Variants in FAAH2 observed in about 807,000 individuals in gnomAD.
The protein encoded by FAAH2 is fatty acid amide hydrolase 2, also known as fatty-acid amide hydrolase 2.
FAAH2 carries 60 observed loss-of-function variants against 36.9 expected under a neutral mutation model. The observed-to-expected ratio is 1.63, with a 90% CI of 1.32 to 2.02. FAAH2 has a LOEUF of 2.02. Among genes scored for constraint, FAAH2 ranks in the 30% most tolerant of loss-of-function variants. The probability of loss-of-function intolerance (pLI) is 0.00; values close to 1 mark genes in which losing one functional copy is unlikely to be tolerated. For missense variants in FAAH2, 689 were observed against 397.5 expected (o/e 1.73, Z -6.23); for synonymous variants, 214 against 143.8 (o/e 1.49, Z -3.49).
At chrX:57,216,026 A>G in the FAAH2 span, among the ~76,000 whole-genome samples, 1 of 107,767 alleles carries the variant, frequency 9.3e-6, no homozygotes, top group African/African-American at 3.4e-5. Flanking sequence ...GTGTACGCGT[A>G]TGTGTGTGTG....
At position 57,288,338 on chromosome X, in the gene FAAH2, CTTTTTT is replaced by C. The variant is rs771871081; in HGVS notation, c.192+1345_192+1350del. On this transcript the variant is annotated intron_variant, in intron 1 of 10. Transcript: ENST00000374900. Reference sequence around the variant, plus strand: ...TAGCTCTGTGATCTTAAAAACATTTCTTTTTTTTTTTTTTTTTTTTTTTTTTTTTGA... The same window carrying C: ...TAGCTCTGTGATCTTAAAAACATTTCTTTTTTTTTTTTTTTTTTTTTTTGA... Among the ~76,000 whole-genome samples, 7 of 40,348 alleles carry C rather than the reference CTTTTTT, an allele frequency of 1.7e-4. No homozygotes were observed. In the East Asian group the frequency reaches 3.3e-3, roughly 19 times the overall value. 35.0% of individuals were successfully genotyped at this position (40,348 alleles called of 115,157 possible). A position where few individuals can be genotyped will look rare whatever the true frequency, so the allele number is the denominator to read the frequency against.
chrX:57,290,383 T>C, intron 1 of FAAH2: 1 of 503,713 alleles, frequency 2.0e-6, no homozygotes, highest in South Asian at 1.0e-4. Context: ...GTGGCTGAAA[T>C]CTCTGTCTGT....
At chrX:57,392,789 C>A in intron 7 of FAAH2, 1 of 629,304 alleles carries the variant, frequency 1.6e-6, no homozygotes, top group Non-Finnish European at 2.7e-6. Context: ...TGCGAATGGG[C>A]AGAATGAATC....
the FAAH2 span, among the ~76,000 whole-genome samples, chrX:57,232,614 A>C: frequency 8.9e-6 from 1 of 112,315 alleles, no homozygotes; most frequent in Non-Finnish European, 1.9e-5. Context: ...TAGGCTCTCT[A>C]GTCTCTCTCG....
chrX:57,439,137 A>G (rs2056485817), intron 8 of FAAH2, among the ~76,000 whole-genome samples: 1 of 110,356 alleles, frequency 9.1e-6, no homozygotes. Flanking sequence ...TGGCTGGGTC[A>G]AATGGTATTT....
At chrX:57,273,277 C>T in the FAAH2 span, among the ~76,000 whole-genome samples, 1 of 111,028 alleles carries the variant, frequency 9.0e-6, no homozygotes, top group African/African-American at 3.3e-5. Context: ...TTTTTAGAGA[C>T]CTAGAAAGAC....
the FAAH2 span, among the ~76,000 whole-genome samples, chrX:57,208,220 A>G: frequency 1.8e-5 from 2 of 112,310 alleles, no homozygotes; most frequent in Non-Finnish European, 3.8e-5. Context: ...CAAAATAAGG[A>G]GGGGATGCAG....
chrX:57,440,759 A>T (rs1319718906), intron 8 of FAAH2, among the ~76,000 whole-genome samples: 1 of 111,455 alleles, frequency 9.0e-6, no homozygotes, highest in Non-Finnish European at 1.9e-5. Flanking sequence ...AGTTCTTATT[A>T]TTTTGAGACA....
At chrX:57,350,431 A>C (rs1487411310) in intron 5 of FAAH2, among the ~76,000 whole-genome samples, 4 of 110,403 alleles carry the variant, frequency 3.6e-5, no homozygotes, top group African/African-American at 1.3e-4. Flanking sequence ...AACCACAATG[A>C]CAAACAACGT....
At chrX:57,202,607 C>T in the FAAH2 span, among the ~76,000 whole-genome samples, 249 of 111,663 alleles carry the variant, frequency 2.2e-3, 1 homozygote, top group African/African-American at 7.8e-3. Flanking sequence ...AGCACTGGTT[C>T]TTGCCCGAGG....
chrX:57,285,326 C>T (rs6612770), upstream of FAAH2, among the ~76,000 whole-genome samples: 3,262 of 111,910 alleles, frequency 0.029, 106 homozygotes, highest in African/African-American at 0.1. Context: ...CTATCTTCAA[C>T]GCTCATTATC....
chrX:57,411,000 A>G (rs1406595128), intron 7 of FAAH2, among the ~76,000 whole-genome samples: 1 of 111,425 alleles, frequency 9.0e-6, no homozygotes, highest in African/African-American at 3.3e-5. Context: ...TTGATCCTTT[A>G]TGTTCCTTGG....
intron 7 of FAAH2, among the ~76,000 whole-genome samples, chrX:57,417,996 C>A (rs769075698): frequency 9.0e-5 from 10 of 111,523 alleles, no homozygotes; most frequent in African/African-American, 1.3e-4. Context: ...GGGCTCCCCC[C>A]AGTTTGAACT....
chrX:57,471,976 A>T (rs2057176951), intron 10 of FAAH2, among the ~76,000 whole-genome samples: 1 of 112,094 alleles, frequency 8.9e-6, no homozygotes, highest in South Asian at 3.7e-4. Flanking sequence ...AAACCTGACA[A>T]AAACAAGAAA....
At chrX:57,218,217 A>G in the FAAH2 span, among the ~76,000 whole-genome samples, 1 of 111,649 alleles carries the variant, frequency 9.0e-6, no homozygotes, top group Middle Eastern at 4.2e-3. Context: ...TGCTCTGGCT[A>G]GATCTTCCAA....
At chrX:57,257,133 G>A in the FAAH2 span, among the ~76,000 whole-genome samples, 1 of 112,260 alleles carries the variant, frequency 8.9e-6, no homozygotes, top group Non-Finnish European at 1.9e-5. Context: ...AGACAGTGTG[G>A]TGTTTCCTCA....
chrX:57,420,235 G>GTT (rs200509357), intron 7 of FAAH2, among the ~76,000 whole-genome samples: 41 of 109,901 alleles, frequency 3.7e-4, no homozygotes, highest in Non-Finnish European at 4.9e-4. Context: ...CTTTAAAGTA[G>GTT]TTTTTTTCCA....
chrX:57,420,352 G>A (rs909228676), intron 7 of FAAH2, among the ~76,000 whole-genome samples: 1 of 111,838 alleles, frequency 8.9e-6, no homozygotes, highest in African/African-American at 3.3e-5. Flanking sequence ...CTACCCATGA[G>A]TATTGAATGT....
intron 7 of FAAH2, chrX:57,393,125 G>A (rs2055206648): frequency 1.9e-6 from 2 of 1,037,335 alleles, no homozygotes; most frequent in Admixed American, 4.4e-5. Flanking sequence ...CTGTTCTCTG[G>A]AAAGGCAGCC....
Sources: allele counts gnomAD v4.1 joint callset (sites outside exome capture counted in the v4.1 genomes callset), GRCh38; gene constraint gnomAD v4.1.1; transcripts MANE v1.5; gene names NCBI Gene and HGNC (gene_info 2026-07-23, HGNC 2026-07-21).